Variants in SNAP47 observed in about 807,000 individuals in gnomAD.
SNAP47 encodes synaptosome associated protein 47.
In SNAP47, 20 loss-of-function variants were observed where a neutral mutation model predicts 31.4. The observed-to-expected ratio is 0.64, with a 90% confidence interval of 0.45 to 0.93. The LOEUF is 0.93. Among genes scored for constraint, SNAP47 ranks in the 40% least tolerant of loss-of-function variants. The pLI is 0.00. For synonymous variants in SNAP47, 194 were observed against 213.4 expected (o/e 0.91, Z 0.79); for missense variants, 492 against 528.5 (o/e 0.93, Z 0.68).
chr1:227,743,429 C>T (rs551786101), intron 1 of SNAP47, among the ~76,000 whole-genome samples: 152 of 152,272 alleles, frequency 1.0e-3, no homozygotes, highest in Non-Finnish European at 1.6e-3. Context: ...CCGTGGGCTC[C>T]GGCCTCCCAT....
At chr1:227,777,397 G>C (rs1203143301) in intron 4 of SNAP47, among the ~76,000 whole-genome samples, 3 of 152,196 alleles carry the variant, frequency 2.0e-5, no homozygotes, top group Admixed American at 2.0e-4. Context: ...GTGAACGGGA[G>C]TGTGGGGCTG....
At position 227,780,568 on chromosome 1, in the gene SNAP47, T is replaced by A; in HGVS notation, c.1155T>A (p.Ser385Arg). Residue 385 changes from serine to arginine, a missense_variant, in exon 5 of 5, where the codon AGT becomes AGA. Coordinates refer to ENST00000617596, the MANE Select transcript of SNAP47 (RefSeq NM_053052.4). ...RMKGLALEAE[S>R]ELERQDEALD... ...AGGGGCTGGCCCTGGAGGCCGAGAG[T>A]GAGCTGGAGAGACAAGACGAAGCCC... The A allele has an allele frequency of 6.2e-7, 1 of 1,613,924 alleles. No homozygotes were observed. The highest frequency in any genetic ancestry group is 8.5e-7 in the Non-Finnish European group (1 of 1,179,974).
intron 2 of SNAP47, 89 bp downstream of exon 2, chr1:227,748,322 C>G: frequency 7.3e-7 from 1 of 1,366,080 alleles, no homozygotes; most frequent in Non-Finnish European, 9.8e-7. Context: ...GGCCACTGCA[C>G]CATATTTGCA....
chr1:227,775,059 G>A (rs1430762464), intron 4 of SNAP47, among the ~76,000 whole-genome samples: 2 of 152,204 alleles, frequency 1.3e-5, no homozygotes, highest in African/African-American at 2.4e-5. Flanking sequence ...CCGCGGGGGC[G>A]TCCTGAGGAG....
upstream of SNAP47, chr1:227,732,540 G>T: frequency 6.2e-7 from 1 of 1,613,432 alleles, no homozygotes; most frequent in Non-Finnish European, 8.5e-7. Context: ...AACATCAAAG[G>T]CTGCCTGTTC....
chr1:227,749,409 G>A (rs1662197511), intron 2 of SNAP47, among the ~76,000 whole-genome samples: 1 of 152,168 alleles, frequency 6.6e-6, no homozygotes, highest in South Asian at 2.1e-4. Context: ...GCCCACTTGG[G>A]TGGGTCCATC....
intron 1 of SNAP47, among the ~76,000 whole-genome samples, chr1:227,737,669 C>T (rs1661312772): frequency 6.6e-6 from 1 of 152,040 alleles, no homozygotes; most frequent in Non-Finnish European, 1.5e-5. Flanking sequence ...GTGAGGTTTA[C>T]CCAGGAGAAC....
chr1:227,735,223 C>G (rs535388224), upstream of SNAP47: 8 of 1,594,934 alleles, frequency 5.0e-6, no homozygotes, highest in Non-Finnish European at 6.0e-6. Flanking sequence ...GGACATCGAC[C>G]CCCAGGCCTC....
At position 227,759,381 on chromosome 1, in the gene SNAP47, A is replaced by G. The variant is rs1352299304; in HGVS notation, c.884A>G (p.Glu295Gly). 1 of 1,614,224 alleles carries G rather than the reference A, an allele frequency of 6.2e-7. No homozygotes were observed. Among genetic ancestry groups the G allele is most frequent in the East Asian group, 2.2e-5 (1 of 44,894 alleles). ...AKMPEVIPILEVQFSKKMELL... is the reference protein window; with the variant it reads ...AKMPEVIPILGVQFSKKMELL... ...ATGCCAGAGGTTATCCCCATTTTAG[A>G]AGTGCAGTTCAGCAAGAAGATGGAG... is the stretch of plus-strand genomic sequence containing the variant. Residue 295 changes from glutamate to glycine, a missense_variant, in exon 3 of 5, where the codon GAA (glutamate) becomes GGA (glycine). Glu to Gly is a moderately conservative substitution (Grantham distance 98). Transcript: ENST00000617596.
upstream of SNAP47, chr1:227,732,909 G>C (rs1039168264): frequency 6.2e-7 from 1 of 1,612,840 alleles, no homozygotes; most frequent in Non-Finnish European, 8.5e-7. Context: ...GTCGGGCATG[G>C]AGTCCCTCCA....
chr1:227,773,538 G>C (rs749771595), intron 4 of SNAP47, among the ~76,000 whole-genome samples: 7 of 152,208 alleles, frequency 4.6e-5, no homozygotes, highest in Admixed American at 6.5e-5. Context: ...CCACAGTAGT[G>C]TTCAGTCATG....
intron 1 of SNAP47, among the ~76,000 whole-genome samples, chr1:227,737,653 AG>A (rs1558188174): frequency 6.6e-6 from 1 of 152,152 alleles, no homozygotes; most frequent in Non-Finnish European, 1.5e-5. Flanking sequence ...ACTCTTTCCA[AG>A]GGGTGTGAGG....
chr1:227,756,807 C>T (rs955551186), intron 2 of SNAP47, among the ~76,000 whole-genome samples: 4 of 152,256 alleles, frequency 2.6e-5, no homozygotes, highest in African/African-American at 9.6e-5. Context: ...TTACCGTGCA[C>T]AGCACCCAGG....
chr1:227,734,439 C>CA (rs371020547), upstream of SNAP47: 510 of 406,888 alleles, frequency 1.3e-3, no homozygotes, highest in Middle Eastern at 2.1e-3. Flanking sequence ...AGATCTCTCT[C>CA]AAAAAAAAAG....
chr1:227,733,155 C>A, upstream of SNAP47: 2 of 1,096,964 alleles, frequency 1.8e-6, no homozygotes, highest in South Asian at 3.0e-5. Context: ...TCCTGTCTCC[C>A]AGCAGGGCTT....
chr1:227,758,780 T>A (rs573065508), intron 2 of SNAP47, among the ~76,000 whole-genome samples: 2 of 128,036 alleles, frequency 1.6e-5, no homozygotes, highest in African/African-American at 6.9e-5. Context: ...TGGCTTTGCA[T>A]CTAGATGAAT....
At chr1:227,734,352 TAAAAAAAA>T (rs56684758), upstream of SNAP47, 9 of 77,608 alleles carry the variant, frequency 1.2e-4, no homozygotes, top group Non-Finnish European at 2.0e-4. Flanking sequence ...CTAGTCTCTT[TAAAAAAAA>T]AAAAAAAAAA....
At chr1:227,742,021 T>C (rs907845016) in intron 1 of SNAP47, among the ~76,000 whole-genome samples, 17 of 151,958 alleles carry the variant, frequency 1.1e-4, no homozygotes, top group African/African-American at 4.1e-4. Context: ...TTTTTTTTCT[T>C]TTTTTATTTT....
intron 4 of SNAP47, chr1:227,776,060 G>A (rs758828767): frequency 2.3e-5 from 27 of 1,189,548 alleles, no homozygotes; most frequent in African/African-American, 3.2e-5. Flanking sequence ...CATCAGTTGC[G>A]TTTCTTTGTT....
Sources: allele counts gnomAD v4.1 joint callset (sites outside exome capture counted in the v4.1 genomes callset), GRCh38; gene constraint gnomAD v4.1.1; transcripts MANE v1.5; gene names NCBI Gene and HGNC (gene_info 2026-07-23, HGNC 2026-07-21).